Variants in HLCS observed in about 807,000 individuals in gnomAD.
HLCS encodes the protein biotin--protein ligase.
HLCS carries 53 observed loss-of-function variants against 75.0 expected under a neutral mutation model. The observed-to-expected ratio is 0.71, with a 90% CI of 0.57 to 0.89. The LOEUF (loss-of-function observed/expected upper bound fraction) is 0.89. Among genes scored for constraint, HLCS ranks in the 40% least tolerant of loss-of-function variants. The pLI, the probability that HLCS is intolerant of heterozygous loss-of-function variation, is 0.00. For synonymous variants in HLCS, 431 were observed against 428.6 expected (o/e 1.01, Z -0.07); for missense variants, 966 against 1,074.0 (o/e 0.90, Z 1.41).
chr21:36,953,057 T>G (rs753458890), intron 2 of HLCS, among the ~76,000 whole-genome samples: 1 of 152,166 alleles, frequency 6.6e-6, no homozygotes, highest in Non-Finnish European at 1.5e-5. Flanking sequence ...TTCTGTACAA[T>G]GAAATGGGAG....
At chr21:36,833,855 C>A (rs16994519) in intron 6 of HLCS, among the ~76,000 whole-genome samples, 5,545 of 152,138 alleles carry the variant, frequency 0.036, 152 homozygotes, top group African/African-American at 0.075. Flanking sequence ...AATTTGCTCA[C>A]GAGCTATGGA....
chr21:36,941,207 G>A (rs1264763176), intron 2 of HLCS, among the ~76,000 whole-genome samples: 2 of 152,126 alleles, frequency 1.3e-5, no homozygotes, highest in African/African-American at 4.8e-5. Context: ...GCAAGACTCT[G>A]TCTCAATCAA....
intron 1 of HLCS, among the ~76,000 whole-genome samples, chr21:36,976,191 T>G (rs2068932433): frequency 6.6e-6 from 1 of 152,168 alleles, no homozygotes; most frequent in African/African-American, 2.4e-5. Context: ...ACAGCCTTTG[T>G]ATCCAGGTCA....
intron 6 of HLCS, among the ~76,000 whole-genome samples, chr21:36,844,400 T>C (rs1233047615): frequency 3.3e-5 from 5 of 152,196 alleles, no homozygotes; most frequent in Non-Finnish European, 5.9e-5. Flanking sequence ...GGGAACTCTA[T>C]ACTCTGTTCA....
intron 6 of HLCS, among the ~76,000 whole-genome samples, chr21:36,804,525 G>C (rs75142443): frequency 0.049 from 7,441 of 152,194 alleles, 303 homozygotes; most frequent in South Asian, 0.18. Context: ...CTAGGTAGCT[G>C]ACTAAATGCC....
intron 5 of HLCS, among the ~76,000 whole-genome samples, chr21:36,899,743 C>T (rs1401481848): frequency 2.0e-5 from 3 of 152,282 alleles, no homozygotes; most frequent in African/African-American, 4.8e-5. Flanking sequence ...GCTCTGAGGA[C>T]GGAGCAATGA....
At chr21:36,843,817 G>A (rs759123255) in intron 6 of HLCS, among the ~76,000 whole-genome samples, 49 of 152,062 alleles carry the variant, frequency 3.2e-4, no homozygotes, top group South Asian at 1.0e-3. Flanking sequence ...ACCAGCCTGG[G>A]CAACAAAGAG....
intron 8 of HLCS, 106 bp downstream of exon 8, chr21:36,764,906 G>T: frequency 1.6e-6 from 2 of 1,254,710 alleles, no homozygotes; most frequent in South Asian, 1.2e-5. Flanking sequence ...CAAAGGGTAG[G>T]CTGAGGTTCT....
At chr21:36,862,956 T>TC (rs1425950317) in intron 6 of HLCS, among the ~76,000 whole-genome samples, 4 of 151,790 alleles carry the variant, frequency 2.6e-5, no homozygotes, top group Non-Finnish European at 5.9e-5. Flanking sequence ...TTTTTTTTTT[T>TC]TTTTTTAAAG....
At chr21:36,929,317 T>TC (rs1569205394) in intron 5 of HLCS, among the ~76,000 whole-genome samples, 1 of 152,074 alleles carries the variant, frequency 6.6e-6, no homozygotes, top group East Asian at 1.9e-4. Flanking sequence ...CAGCCCTCCA[T>TC]CCCCAGGAAA....
chr21:36,990,063 C>G lies in HLCS; in HGVS notation c.-393+95G>C, dbSNP rs945012911. 120 of 152,256 alleles carry G rather than the reference C, an allele frequency of 7.9e-4. 1 individual carries two copies. The highest frequency in any genetic ancestry group is 2.8e-3 in the African/African-American group (118 of 41,522). 9.4% of individuals were successfully genotyped at this position (152,256 alleles called of 1,614,324 possible). A position where few individuals can be genotyped will look rare whatever the true frequency, so the allele number is the denominator to read the frequency against. On this transcript the variant is annotated intron_variant, in intron 1 of 11. Transcript: ENST00000336648. ...GACTCAGGAGACGGCTGTTCCCTGG[C>G]AGAGGCTCGCGGTGGACTGCCTGAC...
intron 5 of HLCS, among the ~76,000 whole-genome samples, chr21:36,922,845 C>T (rs2066232456): frequency 6.6e-6 from 1 of 152,218 alleles, no homozygotes; most frequent in South Asian, 2.1e-4. Context: ...ACAGTCAGTG[C>T]AAATCTCCAG....
chr21:36,803,669 G>C (rs1040133951), intron 6 of HLCS, among the ~76,000 whole-genome samples: 1 of 149,320 alleles, frequency 6.7e-6, no homozygotes, highest in Admixed American at 6.7e-5. Context: ...TGTTTCCAAA[G>C]CAGAAGTAGA....
intron 6 of HLCS, among the ~76,000 whole-genome samples, chr21:36,889,549 C>T (rs531551136): frequency 3.3e-5 from 5 of 152,336 alleles, no homozygotes; most frequent in African/African-American, 9.6e-5. Context: ...ACACCCACTA[C>T]GTCAAGGCAG....
intron 2 of HLCS, among the ~76,000 whole-genome samples, chr21:36,945,328 T>C (rs1267007800): frequency 6.6e-6 from 1 of 151,336 alleles, no homozygotes; most frequent in African/African-American, 2.4e-5. Flanking sequence ...GAAAAAAAAA[T>C]ATGCCCACAT....
At chr21:36,896,725 A>C in intron 6 of HLCS, 135 bp downstream of exon 6, 3 of 947,236 alleles carry the variant, frequency 3.2e-6, no homozygotes. Flanking sequence ...CTAGGACAAG[A>C]GTACTTCCAC....
In HLCS at chr21:36,753,856, G is replaced by A; in HGVS notation, c.*390C>T. On this transcript the variant is annotated 3_prime_UTR_variant, in exon 11 of 11. Transcript: ENST00000674895. The surrounding 1 kb of genome is among the most constrained non-coding windows in gnomAD (Gnocchi z 4.3). Reference sequence around the variant, plus strand: ...CCTCTAACTCACCACTGGCCTGGGCGCAAGAGCATATTTTGGTTTGTTTTT... The same window carrying A: ...CCTCTAACTCACCACTGGCCTGGGCACAAGAGCATATTTTGGTTTGTTTTT... 3 of 326,918 alleles carry A rather than the reference G, an allele frequency of 9.2e-6. No individual in the cohort carries two copies. The highest frequency in any genetic ancestry group is 5.4e-5 in the South Asian group (2 of 36,976). 20.3% of individuals were successfully genotyped at this position (326,918 alleles called of 1,614,324 possible).
intron 5 of HLCS, among the ~76,000 whole-genome samples, chr21:36,911,786 G>T (rs2065725635): frequency 6.7e-6 from 1 of 149,330 alleles, no homozygotes; most frequent in Non-Finnish European, 1.5e-5. Flanking sequence ...TAAACAGAGA[G>T]GGCCGGGCGC....
chr21:36,788,493 T>C (rs1053448978), intron 6 of HLCS, among the ~76,000 whole-genome samples: 1 of 152,248 alleles, frequency 6.6e-6, no homozygotes, highest in Non-Finnish European at 1.5e-5. Flanking sequence ...TCAAGATTGC[T>C]GTGTGTGCTT....
Sources: allele counts gnomAD v4.1 joint callset (sites outside exome capture counted in the v4.1 genomes callset), GRCh38; gene constraint gnomAD v4.1.1; non-coding constraint Gnocchi (gnomAD v3.1); transcripts MANE v1.5; gene names NCBI Gene and HGNC (gene_info 2026-07-23, HGNC 2026-07-21).